The following ZNF385D variants were observed in gnomAD, a reference collection of about 807,000 sequenced individuals.
The protein encoded by ZNF385D is zinc finger protein 385D.
Under a neutral mutation model 35.8 loss-of-function variants are expected in ZNF385D, and 15 were observed. That is an observed-to-expected ratio of 0.42 (90% CI 0.28 to 0.64). ZNF385D has a LOEUF of 0.64. Ranked by LOEUF, ZNF385D falls within the 30% of genes least tolerant of loss-of-function variation. The pLI, the probability that ZNF385D is intolerant of heterozygous loss-of-function variation, is 0.23. For synonymous variants in ZNF385D, 212 were observed against 186.8 expected (o/e 1.13, Z -1.10); for missense variants, 474 against 494.6 (o/e 0.96, Z 0.39).
chr3:21,735,358 C>T (rs2069195793), intron 1 of ZNF385D, among the ~76,000 whole-genome samples: 1 of 152,154 alleles, frequency 6.6e-6, no homozygotes, highest in African/African-American at 2.4e-5. Flanking sequence ...GATCTGAATT[C>T]TAGGCGGCCC....
At chr3:21,979,304 C>G (rs1265855260) in intron 3 of ZNF385D, among the ~76,000 whole-genome samples, 4 of 152,038 alleles carry the variant, frequency 2.6e-5, no homozygotes, top group African/African-American at 7.3e-5. Context: ...TATATTTAAC[C>G]CCACATGTCA....
chr3:22,290,514 G>T (rs1702246883), intron 2 of ZNF385D, among the ~76,000 whole-genome samples: 2 of 152,258 alleles, frequency 1.3e-5, no homozygotes, highest in Middle Eastern at 3.4e-3. Context: ...GGCCTTTCTG[G>T]CAAGGTAAAC....
chr3:21,871,911 C>A (rs2620531), intron 3 of ZNF385D, among the ~76,000 whole-genome samples: 15 of 152,060 alleles, frequency 9.9e-5, no homozygotes, highest in African/African-American at 3.6e-4. Flanking sequence ...ACAGGAGAAT[C>A]ACTTGAACCC....
At chr3:21,905,828 T>C (rs546195820) in intron 3 of ZNF385D, among the ~76,000 whole-genome samples, 1 of 152,286 alleles carries the variant, frequency 6.6e-6, no homozygotes, top group South Asian at 2.1e-4. Context: ...TTGCTTTATA[T>C]GTACCTGACA....
At chr3:21,436,259 C>T (rs143704410) in intron 5 of ZNF385D, among the ~76,000 whole-genome samples, 3 of 152,094 alleles carry the variant, frequency 2.0e-5, no homozygotes, top group Non-Finnish European at 2.9e-5. Flanking sequence ...CATTTTATCC[C>T]GGCTTGTCAG....
intron 3 of ZNF385D, among the ~76,000 whole-genome samples, chr3:22,113,172 TG>T (rs1243103096): frequency 6.6e-6 from 1 of 152,024 alleles, no homozygotes; most frequent in Non-Finnish European, 1.5e-5. Context: ...CAAGTAAGAA[TG>T]GGGGTGGGCT....
intron 3 of ZNF385D, among the ~76,000 whole-genome samples, chr3:21,520,188 G>A (rs1286184737): frequency 6.6e-6 from 1 of 152,182 alleles, no homozygotes; most frequent in Non-Finnish European, 1.5e-5. Context: ...CCTGGTAGAT[G>A]TTGGGATGCC....
chr3:21,958,704 G>T (rs1043776387), intron 3 of ZNF385D: 4 of 152,102 alleles, frequency 2.6e-5, no homozygotes, highest in Non-Finnish European at 4.4e-5. Context: ...ACTGCAGAAA[G>T]CTTCACAATT....
intron 3 of ZNF385D, among the ~76,000 whole-genome samples, chr3:21,853,147 T>C (rs756627338): frequency 1.3e-5 from 2 of 150,152 alleles, no homozygotes; most frequent in Non-Finnish European, 3.0e-5. Context: ...TAGAGTAGGG[T>C]TTAAAAAAAC....
At chr3:21,426,812 T>C (rs538577678) in intron 5 of ZNF385D, among the ~76,000 whole-genome samples, 1 of 152,302 alleles carries the variant, frequency 6.6e-6, no homozygotes, top group East Asian at 1.9e-4. Flanking sequence ...CACATTATAT[T>C]AAGTAAGGGA....
At chr3:21,663,758 C>T (rs1451975239) in intron 2 of ZNF385D, among the ~76,000 whole-genome samples, 11 of 150,982 alleles carry the variant, frequency 7.3e-5, no homozygotes, top group Non-Finnish European at 1.2e-4. Flanking sequence ...TTTGATTCTC[C>T]CTTGTCTTTT....
At chr3:22,032,533 G>C (rs1559318550) in intron 3 of ZNF385D, among the ~76,000 whole-genome samples, 2 of 152,050 alleles carry the variant, frequency 1.3e-5, no homozygotes, top group South Asian at 4.2e-4. Context: ...GATGAGATTT[G>C]GGTAGGGACA....
chr3:21,964,412 TAAAAAA>T (rs60635259), intron 3 of ZNF385D, among the ~76,000 whole-genome samples: 1 of 71,500 alleles, frequency 1.4e-5, no homozygotes, highest in Non-Finnish European at 2.8e-5. Flanking sequence ...GTCCTTTTTG[TAAAAAA>T]AAAAAAAAAA....
rs7627481 is a variant in ZNF385D, at chr3:22,301,641, G to C, written c.106+70809C>G. On this transcript the variant is annotated intron_variant, in intron 2 of 5. Coordinates refer to the ZNF385D transcript ENST00000494108. ...AAAAACGGTAAAGAAAAAAGTCTAG[G>C]TACTTACCAACAGGCTTAAGTGGTA... Among the ~76,000 whole-genome samples the C allele has an allele frequency of 7.2e-3, 1,090 of 152,054 alleles. 15 individuals are homozygous for C. The highest frequency in any genetic ancestry group is 0.025 in the African/African-American group (1,017 of 41,506).
chr3:21,616,489 C>T (rs17029413), intron 2 of ZNF385D, among the ~76,000 whole-genome samples: 3,965 of 152,248 alleles, frequency 0.026, 78 homozygotes, highest in South Asian at 0.044. Flanking sequence ...GGGGGACCTT[C>T]TACTATTATG....
intron 3 of ZNF385D, among the ~76,000 whole-genome samples, chr3:21,917,499 C>G (rs17010120): frequency 0.54 from 81,356 of 151,996 alleles, 23,829 homozygotes; most frequent in South Asian, 0.66. Flanking sequence ...AGATGAAGGA[C>G]TTGTATCAAG....
intron 3 of ZNF385D, among the ~76,000 whole-genome samples, chr3:21,889,256 G>C (rs1300133766): frequency 6.6e-6 from 1 of 152,144 alleles, no homozygotes; most frequent in Non-Finnish European, 1.5e-5. Flanking sequence ...ACACACATGA[G>C]AAACACAGCA....
rs193280676 is a variant in ZNF385D, at chr3:21,707,452, C to A, written c.23-42424G>T. Among the ~76,000 whole-genome samples, 188 of 152,260 alleles carry A rather than the reference C, an allele frequency of 1.2e-3. 2 individuals carry two copies. In the East Asian group the frequency reaches 0.03, roughly 25 times the overall value. ...TTAAAATTCGAAGCAATTGTCAATG[C>A]AGATCAAATTTTAGACAGAACCCCC... On this transcript the variant is annotated intron_variant, in intron 1 of 7. Transcript: ENST00000281523.
chr3:22,017,255 C>T (rs1188284270), intron 3 of ZNF385D, among the ~76,000 whole-genome samples: 1 of 152,034 alleles, frequency 6.6e-6, no homozygotes, highest in Non-Finnish European at 1.5e-5. Flanking sequence ...ATCTGGTTAA[C>T]ATCACATACA....
Sources: allele counts gnomAD v4.1 joint callset (sites outside exome capture counted in the v4.1 genomes callset), GRCh38; gene constraint gnomAD v4.1.1; transcripts MANE v1.5; gene names NCBI Gene and HGNC (gene_info 2026-07-23, HGNC 2026-07-21).